RPS6KC1: variants seen among roughly 807,000 people sequenced by gnomAD.
RPS6KC1 encodes the protein ribosomal protein S6 kinase C1.
In RPS6KC1, 54 loss-of-function variants were observed where a neutral mutation model predicts 103.8. The observed-to-expected ratio is 0.52, with a 90% CI of 0.42 to 0.65. RPS6KC1 has a LOEUF of 0.65. RPS6KC1 is among the 30% of genes least tolerant of loss of function. The pLI is 0.00. For missense variants in RPS6KC1, 1,151 were observed against 1,253.8 expected (o/e 0.92, Z 1.24); for synonymous variants, 439 against 438.7 (o/e 1.00, Z -0.01).
the RPS6KC1 span, among the ~76,000 whole-genome samples, chr1:213,688,837 A>T: frequency 6.6e-6 from 1 of 152,262 alleles, no homozygotes; most frequent in East Asian, 1.9e-4. Context: ...CAGGCACCAC[A>T]CCACAGTCAC....
chr1:213,380,795 T>G, the RPS6KC1 span, among the ~76,000 whole-genome samples: 1 of 152,198 alleles, frequency 6.6e-6, no homozygotes. Flanking sequence ...CTCGTCTCAG[T>G]ATTTCCGCCA....
chr1:213,564,764 T>A, the RPS6KC1 span, among the ~76,000 whole-genome samples: 3 of 152,246 alleles, frequency 2.0e-5, no homozygotes. Context: ...TTTCTGTGGT[T>A]CCTACCTCCC....
intron 1 of RPS6KC1, among the ~76,000 whole-genome samples, chr1:213,055,548 A>G (rs1428458850): frequency 1.3e-5 from 2 of 152,328 alleles, no homozygotes; most frequent in East Asian, 1.9e-4. Flanking sequence ...AAGTCTTTGT[A>G]TGGACATATG....
chr1:213,590,594 T>G, the RPS6KC1 span, among the ~76,000 whole-genome samples: 1 of 152,098 alleles, frequency 6.6e-6, no homozygotes, highest in Non-Finnish European at 1.5e-5. Context: ...TTCTGAGATG[T>G]CCTGAGTTGG....
At chr1:213,324,292 T>C in the RPS6KC1 span, among the ~76,000 whole-genome samples, 1 of 152,180 alleles carries the variant, frequency 6.6e-6, no homozygotes, top group African/African-American at 2.4e-5. Flanking sequence ...TATTTTTTAA[T>C]TGGGGCCAGT....
In RPS6KC1 at chr1:213,053,981, G is replaced by GC. The variant is rs1215431841; in HGVS notation, c.105+2475dup. 4.6e-5 allele frequency among the ~76,000 whole-genome samples: 7 copies of GC among 152,032 alleles called. No individual in the cohort carries two copies. The East Asian group carries it at 1.4e-3, about 29-fold the overall frequency. ...CACTCAAGTAGCTGGGATTACAGGCGCCCTCCACCATACCCGGCTAATTTG... is the reference window on the plus strand; with the variant it reads ...CACTCAAGTAGCTGGGATTACAGGCGCCCCTCCACCATACCCGGCTAATTTG... On this transcript the variant is annotated intron_variant, in intron 1 of 14. Transcript: ENST00000366960.
the RPS6KC1 span, among the ~76,000 whole-genome samples, chr1:213,430,557 G>A: frequency 4.6e-5 from 7 of 152,186 alleles, no homozygotes; most frequent in African/African-American, 1.7e-4. Flanking sequence ...TGGATGATGA[G>A]GAATTGGTGT....
the RPS6KC1 span, among the ~76,000 whole-genome samples, chr1:213,519,634 C>A: frequency 6.6e-6 from 1 of 152,126 alleles, no homozygotes; most frequent in Non-Finnish European, 1.5e-5. Context: ...GTACTAGAGA[C>A]CACCCCTCCC....
At chr1:213,055,492 C>T (rs1408922233) in intron 1 of RPS6KC1, among the ~76,000 whole-genome samples, 1 of 151,954 alleles carries the variant, frequency 6.6e-6, no homozygotes, top group African/African-American at 2.4e-5. Flanking sequence ...GGGTTGTTTC[C>T]AGTTTTTGGA....
intron 1 of RPS6KC1, among the ~76,000 whole-genome samples, chr1:213,060,588 T>A (rs2077744996): frequency 6.6e-6 from 1 of 152,344 alleles, no homozygotes; most frequent in African/African-American, 2.4e-5. Flanking sequence ...ACTTAAAAAA[T>A]GTAAACCATT....
chr1:213,226,508 C>T (rs1342880226), intron 8 of RPS6KC1, among the ~76,000 whole-genome samples: 2 of 152,090 alleles, frequency 1.3e-5, no homozygotes, highest in African/African-American at 4.8e-5. Context: ...AAAGTCAAAC[C>T]CTTTGTTTCA....
At position 213,199,507 on chromosome 1, in the gene RPS6KC1, C is replaced by G. The variant is rs182229862; in HGVS notation, c.1044+23015C>G. 2.1e-3 allele frequency among the ~76,000 whole-genome samples: 315 copies of G among 152,266 alleles called. 1 individual carries two copies. The highest frequency in any genetic ancestry group is 7.0e-3 in the African/African-American group (289 of 41,546). On this transcript the variant is annotated intron_variant, in intron 8 of 14. Transcript: ENST00000366960. ...TTGAAGGAAATACCTCAAAATAATA[C>G]GAGCCATCCATGACAAACTCACAGC...
At chr1:213,379,514 A>G in the RPS6KC1 span, among the ~76,000 whole-genome samples, 4 of 152,220 alleles carry the variant, frequency 2.6e-5, no homozygotes, top group Non-Finnish European at 5.9e-5. Flanking sequence ...AGCCCCAAGA[A>G]GGAACTCATG....
At chr1:213,541,600 A>G in the RPS6KC1 span, among the ~76,000 whole-genome samples, 27 of 152,202 alleles carry the variant, frequency 1.8e-4, no homozygotes, top group Non-Finnish European at 3.7e-4. Context: ...GCCTGAGACT[A>G]TCCTTTGAGG....
chr1:213,078,239 T>TG (rs1156285655), intron 3 of RPS6KC1, among the ~76,000 whole-genome samples: 3 of 151,462 alleles, frequency 2.0e-5, no homozygotes, highest in Non-Finnish European at 4.4e-5. Flanking sequence ...TTCTTTTTTT[T>TG]TTTTTTTTGC....
At chr1:213,786,735 G>A in the RPS6KC1 span, among the ~76,000 whole-genome samples, 1 of 152,136 alleles carries the variant, frequency 6.6e-6, no homozygotes, top group Non-Finnish European at 1.5e-5. Context: ...TTTTCTGGCG[G>A]GATTTTAGGA....
chr1:213,669,063 G>T, the RPS6KC1 span, among the ~76,000 whole-genome samples: 1 of 152,082 alleles, frequency 6.6e-6, no homozygotes, highest in African/African-American at 2.4e-5. Flanking sequence ...GGGCTGTTTT[G>T]CTTTCTTATC....
chr1:213,234,697 C>T (rs1033754482), intron 10 of RPS6KC1, among the ~76,000 whole-genome samples: 1 of 152,142 alleles, frequency 6.6e-6, no homozygotes, highest in Non-Finnish European at 1.5e-5. Context: ...AGGACTTTGA[C>T]TTTTGTTCAA....
the RPS6KC1 span, among the ~76,000 whole-genome samples, chr1:213,668,222 C>G: frequency 6.6e-6 from 1 of 151,018 alleles, no homozygotes; most frequent in South Asian, 2.1e-4. Context: ...TAAAGCCTTA[C>G]AAAATATGTT....
Sources: allele counts gnomAD v4.1 joint callset (sites outside exome capture counted in the v4.1 genomes callset), GRCh38; gene constraint gnomAD v4.1.1; transcripts MANE v1.5; gene names NCBI Gene and HGNC (gene_info 2026-07-23, HGNC 2026-07-21).